The following COG5 variants were observed in gnomAD, a reference collection of about 807,000 sequenced individuals.
COG5 encodes the protein conserved oligomeric Golgi complex subunit 5.
Under a neutral mutation model 110.4 loss-of-function variants are expected in COG5, and 86 were observed. The ratio of observed to expected loss-of-function variants is 0.78; its 90% CI spans 0.65 to 0.93. COG5 has a LOEUF of 0.93. Among genes scored for constraint, COG5 ranks in the 40% least tolerant of loss-of-function variants. The probability of loss-of-function intolerance (pLI) is 0.00; values close to 1 mark genes in which losing one functional copy is unlikely to be tolerated. For missense variants in COG5, 1,077 were observed against 987.0 expected, an observed-to-expected ratio of 1.09 and a Z score of -1.22; for synonymous variants, 360 against 334.6, an observed-to-expected ratio of 1.08 and a Z score of -0.83.
rs538542799 is a variant in COG5 at position 107,236,814 on chromosome 7, G to A, written c.1854-127C>T. 567 of 729,254 alleles carry A rather than the reference G, an allele frequency of 7.8e-4. 9 individuals carry two copies. The South Asian group carries it at 8.3e-3, about 11-fold the overall frequency. The allele number at this position is 729,254 out of a possible 1,614,324, so 45.2% of individuals were successfully genotyped here. A position where few individuals can be genotyped will look rare whatever the true frequency, so the allele number is the denominator to read the frequency against. ...AATGTTTTCCCTTAATGGTATAAAAGACATTAATTACTTTTTGATAAGCGT... is the reference window on the plus strand; with the variant it reads ...AATGTTTTCCCTTAATGGTATAAAAAACATTAATTACTTTTTGATAAGCGT... On this transcript the variant is annotated intron_variant, in intron 17 of 21. Transcript: ENST00000297135.
At position 107,550,533 on chromosome 7, in the gene COG5, A is replaced by G. The variant is rs564555513; in HGVS notation, c.293-2201T>C. Among the ~76,000 whole-genome samples, 3 of 152,264 alleles carry G rather than the reference A, an allele frequency of 2.0e-5. No homozygotes were observed. In the South Asian group the frequency reaches 6.2e-4, roughly 32 times the overall value. ...TACTTTCTGCCCCTCAAACATGCCA[A>G]ATTAATTCCTGCTTTCCCATTTATT... On this transcript the variant is annotated intron_variant, in intron 3 of 21. Transcript: ENST00000297135.
chr7:107,550,463 T>C (rs981455243), intron 3 of COG5, among the ~76,000 whole-genome samples: 10 of 152,188 alleles, frequency 6.6e-5, no homozygotes, highest in African/African-American at 2.2e-4. Flanking sequence ...AAGAACCTTA[T>C]CTACGATCCT....
At chr7:107,264,443 AG>A (rs1803630669) in intron 14 of COG5, among the ~76,000 whole-genome samples, 1 of 152,134 alleles carries the variant, frequency 6.6e-6, no homozygotes, top group Non-Finnish European at 1.5e-5. Context: ...CTGTAATCCT[AG>A]CCCTTTGGAG....
At chr7:107,296,144 T>C (rs1806724431) in intron 12 of COG5, among the ~76,000 whole-genome samples, 1 of 151,260 alleles carries the variant, frequency 6.6e-6, no homozygotes, top group South Asian at 2.1e-4. Context: ...CCTTCCTTCT[T>C]TCCCTCCCTC....
In COG5 at chr7:107,481,927, A is replaced by C. The variant is rs182970257; in HGVS notation, c.538+45310T>G. On this transcript the variant is annotated intron_variant, in intron 6 of 21. Coordinates refer to ENST00000297135, the MANE Select transcript of COG5 (RefSeq NM_006348.5). ...CCTCCCAAAAAAGTACCTGATACAT[A>C]CTGACTGGTAAGTAAATATTAGTGG... 4.1e-4 allele frequency among the ~76,000 whole-genome samples: 63 copies of C among 152,232 alleles called. 1 individual carries two copies. Among genetic ancestry groups the C allele is most frequent in the Middle Eastern group, 3.4e-3 (1 of 294 alleles).
intron 10 of COG5, among the ~76,000 whole-genome samples, chr7:107,331,837 C>A (rs1465441515): frequency 1.4e-5 from 2 of 145,700 alleles, no homozygotes; most frequent in African/African-American, 5.1e-5. Flanking sequence ...ACCCTGCTTG[C>A]CTCTTTTTTT....
At position 107,510,326 on chromosome 7, in the gene COG5, T is replaced by C. The variant is rs373481099; in HGVS notation, c.538+16911A>G. On this transcript the variant is annotated intron_variant, in intron 6 of 21. Coordinates refer to ENST00000297135, the MANE Select transcript of COG5 (RefSeq NM_006348.5). ...AGGCCATTACATAATGGTAAAGGGATCAATTCAACAAGAAGAGCTAACTAT... is the reference window on the plus strand; with the variant it reads ...AGGCCATTACATAATGGTAAAGGGACCAATTCAACAAGAAGAGCTAACTAT... 4.7e-4 allele frequency among the ~76,000 whole-genome samples: 72 copies of C among 152,194 alleles called. 1 individual carries two copies. In the South Asian group the frequency reaches 0.015, roughly 31 times the overall value.
rs116631551 is a variant in COG5 at position 107,524,215 on chromosome 7, C to T, written c.538+3022G>A. ...TTTTTAGTACACTGACAAGGTGGCA[C>T]AAAAGTCACGACTATCTAATTCCAG... On this transcript the variant is annotated intron_variant, in intron 6 of 21. Coordinates refer to ENST00000297135, the MANE Select transcript of COG5 (RefSeq NM_006348.5). Among the ~76,000 whole-genome samples the T allele has an allele frequency of 5.5e-3, 841 of 152,240 alleles. 8 individuals are homozygous for T. The highest frequency in any genetic ancestry group is 0.02 in the African/African-American group (810 of 41,538).
chr7:107,277,620 A>G (rs989035800), intron 14 of COG5, among the ~76,000 whole-genome samples: 22 of 152,236 alleles, frequency 1.4e-4, no homozygotes, highest in Non-Finnish European at 5.9e-5. Context: ...AGTGGTGGAC[A>G]GTAATACTTT....
chr7:107,298,010 T>C, intron 12 of COG5, 132 bp downstream of exon 12: 1 of 389,688 alleles, frequency 2.6e-6, no homozygotes, highest in Non-Finnish European at 4.2e-6. Context: ...TTTTAAGGTA[T>C]ACAAATAAAC....
chr7:107,306,375 T>C (rs968643171), intron 11 of COG5, among the ~76,000 whole-genome samples: 4 of 152,180 alleles, frequency 2.6e-5, no homozygotes, highest in Admixed American at 1.3e-4. Context: ...TAAACATTTA[T>C]ATGAACTAAA....
chr7:107,215,269 A>G (rs1799440848), intron 19 of COG5, among the ~76,000 whole-genome samples: 1 of 152,206 alleles, frequency 6.6e-6, no homozygotes, highest in African/African-American at 2.4e-5. Flanking sequence ...ACAATCAGAG[A>G]ACAAACTACA....
Position 107,384,631 on chromosome 7 carries a change from G to C in COG5, c.670-11871C>G, listed in dbSNP as rs145183650. 6.4e-4 allele frequency among the ~76,000 whole-genome samples: 97 copies of C among 152,274 alleles called. 3 individuals are homozygous for C. The East Asian group carries it at 0.018, about 28-fold the overall frequency. On this transcript the variant is annotated intron_variant, in intron 7 of 21. Coordinates refer to ENST00000297135, the MANE Select transcript of COG5 (RefSeq NM_006348.5). Reference sequence around the variant, plus strand: ...CCATCGTTAGCTGAACTAAGGAAAAGTCCTGCAACAATGTCATGACAAGGG... The same window carrying C: ...CCATCGTTAGCTGAACTAAGGAAAACTCCTGCAACAATGTCATGACAAGGG...
Position 107,236,460 on chromosome 7 carries a change from TCAG to T in COG5, c.2078_2080del (p.Ala693del). ...AATTCATCAATGTACCTGTGCAAAATCAGCAGCAAGTCGCATTTTCCCACCTTC... is the reference window on the plus strand; with the variant it reads ...AATTCATCAATGTACCTGTGCAAAATCAGCAAGTCGCATTTTCCCACCTTC... On this transcript the variant is annotated inframe_deletion, in exon 18 of 22. Transcript: ENST00000297135. The T allele has an allele frequency of 6.2e-7, 1 of 1,613,554 alleles. No homozygotes were observed. The highest frequency in any genetic ancestry group is 8.5e-7 in the Non-Finnish European group (1 of 1,179,460).
At chr7:107,231,912 TA>T (rs1276264899) in intron 18 of COG5, among the ~76,000 whole-genome samples, 5 of 152,334 alleles carry the variant, frequency 3.3e-5, no homozygotes, top group African/African-American at 1.2e-4. Context: ...TGTCCACATA[TA>T]AACATATATA....
rs1214642702 is a variant in COG5 at position 107,563,851 on chromosome 7, G to A, written c.46C>T (p.Arg16Ter). ...GTAGCTGCAGCCGCTCCAGAGCCTC[G>A]AGCTCCGAGGCCAGCTACAGCGACG... ...GSVAVAGLGARGSGAAAATVR... is the reference protein window; with the variant it reads ...GSVAVAGLGA Residue 16 changes from arginine to a stop codon, truncating the protein, a stop_gained, in exon 1 of 22, where the codon CGA becomes TGA. Coordinates refer to ENST00000297135, the MANE Select transcript of COG5 (RefSeq NM_006348.5). LOFTEE classifies it high-confidence loss of function. 1 of 1,613,678 alleles carries A rather than the reference G, an allele frequency of 6.2e-7. No individual in the cohort carries two copies. Among genetic ancestry groups the A allele is most frequent in the Non-Finnish European group, 8.5e-7 (1 of 1,179,932 alleles).
chr7:107,267,467 A>G (rs1464421459), intron 14 of COG5, among the ~76,000 whole-genome samples: 1 of 152,182 alleles, frequency 6.6e-6, no homozygotes, highest in South Asian at 2.1e-4. Flanking sequence ...GCATATTTTT[A>G]ATTATTTGAA....
chr7:107,228,137 A>G (rs1024450988), intron 19 of COG5, among the ~76,000 whole-genome samples: 1 of 151,738 alleles, frequency 6.6e-6, no homozygotes, highest in African/African-American at 2.4e-5. Flanking sequence ...TTGTTTCTAC[A>G]AAAAAATATA....
intron 16 of COG5, among the ~76,000 whole-genome samples, chr7:107,249,033 A>C (rs932061053): frequency 3.3e-5 from 5 of 152,074 alleles, no homozygotes; most frequent in Non-Finnish European, 5.9e-5. Flanking sequence ...TTATTTCATC[A>C]CCCAGGCACT....
Sources: allele counts gnomAD v4.1 joint callset (sites outside exome capture counted in the v4.1 genomes callset), GRCh38; gene constraint gnomAD v4.1.1; transcripts MANE v1.5; gene names NCBI Gene and HGNC (gene_info 2026-07-23, HGNC 2026-07-21).